Variants in TEK observed in about 807,000 individuals in gnomAD.
TEK encodes TEK receptor tyrosine kinase, also known as angiopoietin-1 receptor.
A neutral mutation model predicts 131.8 loss-of-function variants in TEK; 43 were observed. The observed-to-expected ratio is 0.33, with a 90% CI of 0.26 to 0.42. The LOEUF (loss-of-function observed/expected upper bound fraction) is 0.42, where lower values mean the gene tolerates loss of function less well. Among genes scored for constraint, TEK ranks in the 10% least tolerant of loss-of-function variants. TEK has a pLI of 1.00. For synonymous variants in TEK, 580 were observed against 491.6 expected, an observed-to-expected ratio of 1.18 and a Z score of -2.38; for missense variants, 1,162 against 1,384.4, an observed-to-expected ratio of 0.84 and a Z score of 2.55.
At chr9:27,188,060 C>T (rs532229710) in intron 9 of TEK, among the ~76,000 whole-genome samples, 4 of 152,196 alleles carry the variant, frequency 2.6e-5, no homozygotes, top group African/African-American at 7.2e-5. Context: ...TTAATTTCCG[C>T]AACAGTATGG....
At chr9:27,151,276 A>T (rs553881517) in intron 1 of TEK, among the ~76,000 whole-genome samples, 1 of 152,204 alleles carries the variant, frequency 6.6e-6, no homozygotes, top group Non-Finnish European at 1.5e-5. Flanking sequence ...GGATTTCTTC[A>T]TGGGAGACAA....
chr9:27,152,977 G>T (rs531747346), intron 1 of TEK, among the ~76,000 whole-genome samples: 30 of 152,280 alleles, frequency 2.0e-4, no homozygotes, highest in Admixed American at 3.3e-4. Flanking sequence ...TTAGTGAGAA[G>T]ACGCTACTAA....
chr9:27,137,955 T>C (rs1822553050), intron 1 of TEK, among the ~76,000 whole-genome samples: 1 of 152,158 alleles, frequency 6.6e-6, no homozygotes, highest in Non-Finnish European at 1.5e-5. Context: ...CAGATGTGTC[T>C]GGAGTTTCTT....
At chr9:27,205,632 T>A (rs1825373058) in intron 14 of TEK, among the ~76,000 whole-genome samples, 1 of 151,142 alleles carries the variant, frequency 6.6e-6, no homozygotes, top group Non-Finnish European at 1.5e-5. Flanking sequence ...ACTGCCTCAT[T>A]TTTTTTTTCA....
intron 18 of TEK, among the ~76,000 whole-genome samples, chr9:27,216,963 A>C (rs1407193279): frequency 6.6e-6 from 1 of 152,204 alleles, no homozygotes; most frequent in Admixed American, 6.5e-5. Flanking sequence ...GACTTTGAGG[A>C]AACTAGGAAT....
intron 1 of TEK, among the ~76,000 whole-genome samples, chr9:27,144,391 G>A (rs1320961206): frequency 6.6e-6 from 1 of 152,180 alleles, no homozygotes; most frequent in Non-Finnish European, 1.5e-5. Flanking sequence ...TACTGCCATC[G>A]GAATGAATAT....
chr9:27,217,765 A>G lies in TEK; in HGVS notation c.3062+7A>G. 1 of 1,590,540 alleles carries G rather than the reference A, an allele frequency of 6.3e-7. No individual in the cohort carries two copies. Among genetic ancestry groups the G allele is most frequent in the Non-Finnish European group, 8.5e-7 (1 of 1,173,572 alleles). Reference sequence around the variant, plus strand: ...ACACAACCAACAGTGATGTGTGAGTAAACTTCTTATTGCCAAGGGATTTTT... The same window carrying G: ...ACACAACCAACAGTGATGTGTGAGTGAACTTCTTATTGCCAAGGGATTTTT... On this transcript the variant is annotated splice_region_variant and intron_variant, in intron 19 of 22. Transcript: ENST00000380036.
intron 1 of TEK, among the ~76,000 whole-genome samples, chr9:27,155,896 G>A (rs551138910): frequency 2.0e-4 from 30 of 150,390 alleles, no homozygotes; most frequent in African/African-American, 3.9e-4. Flanking sequence ...TCTGCCTCCC[G>A]GGCTCAAATG....
chr9:27,144,865 A>G (rs12005388), intron 1 of TEK, among the ~76,000 whole-genome samples: 64,047 of 152,030 alleles, frequency 0.42, 14,159 homozygotes, highest in Non-Finnish European at 0.45. Context: ...AGAGGGAAGA[A>G]AAGCAACATA....
chr9:27,130,528 A>G (rs1210920524), intron 1 of TEK, among the ~76,000 whole-genome samples: 1 of 152,122 alleles, frequency 6.6e-6, no homozygotes, highest in Non-Finnish European at 1.5e-5. Flanking sequence ...ACACTTGGCT[A>G]TGTAAATATT....
Position 27,160,010 on chromosome 9 carries a change from GTTTTTTTT to G in TEK, c.364+1891_364+1898del, listed in dbSNP as rs563961610. Among the ~76,000 whole-genome samples the G allele has an allele frequency of 1.1e-3, 94 of 84,344 alleles. 2 individuals are homozygous for G. In the South Asian group the frequency reaches 0.016, roughly 14 times the overall value. The allele number at this position is 84,344 out of a possible 152,430, so 55.3% of individuals were successfully genotyped here. ...ATAATGACATTGTCAGCTGTTTAGGGTTTTTTTTTTTTTTTTTTTTTTTTTTTTTTAAA... is the reference window on the plus strand; with the variant it reads ...ATAATGACATTGTCAGCTGTTTAGGGTTTTTTTTTTTTTTTTTTTTTTAAA... On this transcript the variant is annotated intron_variant, in intron 2 of 22. Transcript: ENST00000380036.
intron 1 of TEK, among the ~76,000 whole-genome samples, chr9:27,111,971 T>A (rs1325396068): frequency 6.7e-6 from 1 of 150,374 alleles, no homozygotes; most frequent in African/African-American, 2.4e-5. Flanking sequence ...TGATCTCAGA[T>A]CACTGCAACC....
rs778053038 is a variant in TEK, at chr9:27,184,141, G to A, written c.1182+531G>A. Among the ~76,000 whole-genome samples, 32 of 152,106 alleles carry A rather than the reference G, an allele frequency of 2.1e-4. 1 individual carries two copies. The highest frequency in any genetic ancestry group is 1.3e-3 in the Admixed American group (20 of 15,270). Reference sequence around the variant, plus strand: ...CCCCAGTTCTGAAACTACAATCCACGGGATCCCTTAGGTCTGAATGCATTC... The same window carrying A: ...CCCCAGTTCTGAAACTACAATCCACAGGATCCCTTAGGTCTGAATGCATTC... On this transcript the variant is annotated intron_variant, in intron 8 of 22. Transcript: ENST00000380036.
At chr9:27,223,152 C>A (rs1428805047) in intron 21 of TEK, among the ~76,000 whole-genome samples, 4 of 142,526 alleles carry the variant, frequency 2.8e-5, no homozygotes, top group African/African-American at 1.0e-4. Flanking sequence ...TGCAAAGAGA[C>A]TTAAAGTCTC....
At chr9:27,164,968 G>T (rs1289579735) in intron 2 of TEK, among the ~76,000 whole-genome samples, 1 of 152,174 alleles carries the variant, frequency 6.6e-6, no homozygotes, top group African/African-American at 2.4e-5. Context: ...TACAAGCCAG[G>T]CTCCTGTGTC....
chr9:27,156,671 A>G (rs561693353), intron 1 of TEK, among the ~76,000 whole-genome samples: 1 of 152,144 alleles, frequency 6.6e-6, no homozygotes, highest in South Asian at 2.1e-4. Context: ...CAATCTTTTG[A>G]GCCTTCATTT....
At chr9:27,221,478 C>T (rs1726495018) in intron 21 of TEK, among the ~76,000 whole-genome samples, 1 of 45,584 alleles carries the variant, frequency 2.2e-5, no homozygotes, top group African/African-American at 5.4e-5. Context: ...TGCTCCCTGA[C>T]TGGGAGACAT....
rs746860160 is a variant in TEK at position 27,172,688 on chromosome 9, A to C, written c.701A>C (p.His234Pro). 3 of 1,613,820 alleles carry C rather than the reference A, an allele frequency of 1.9e-6. No homozygotes were observed. ...CTACMNNGVCHEDTGECICPP... is the reference protein window; with the variant it reads ...CTACMNNGVCPEDTGECICPP... ...GCTTGTATGAACAATGGTGTCTGCC[A>C]TGAAGATACTGGAGAATGCATTTGC... The change falls in exon 5 of 23, where the codon CAT becomes CCT. Residue 234 changes from histidine to proline, a missense_variant. By Grantham distance (77) the His-to-Pro change is moderately conservative. Coordinates refer to ENST00000380036, the MANE Select transcript of TEK (RefSeq NM_000459.5).
rs575315255 is a variant in TEK, at chr9:27,188,544, C to A, written c.1328-1985C>A. On this transcript the variant is annotated intron_variant, in intron 9 of 22. Coordinates refer to ENST00000380036, the MANE Select transcript of TEK (RefSeq NM_000459.5). ...TCATACAAGGAAAGCATTACTTGAA[C>A]AAATTTACTTACAGCACTGCCCTCC... 1.9e-4 allele frequency among the ~76,000 whole-genome samples: 29 copies of A among 152,184 alleles called. 1 individual carries two copies. In the South Asian group the frequency reaches 5.8e-3, roughly 31 times the overall value.
Sources: allele counts gnomAD v4.1 joint callset (sites outside exome capture counted in the v4.1 genomes callset), GRCh38; gene constraint gnomAD v4.1.1; transcripts MANE v1.5; gene names NCBI Gene and HGNC (gene_info 2026-07-23, HGNC 2026-07-21).